Variants in GON4L observed in about 807,000 individuals in gnomAD.
The protein encoded by GON4L is GON-4-like protein.
Under a neutral mutation model 211.8 loss-of-function variants are expected in GON4L, and 87 were observed. The ratio of observed to expected loss-of-function variants is 0.41; its 90% CI spans 0.35 to 0.49. The LOEUF is 0.49. GON4L is among the 20% of genes least tolerant of loss of function. The pLI is 0.15. For synonymous variants in GON4L, 875 were observed against 962.6 expected (o/e 0.91, Z 1.68); for missense variants, 2,155 against 2,659.5 (o/e 0.81, Z 4.17).
At chr1:155,856,767 AG>A (rs1479750847) in intron 1 of GON4L, among the ~76,000 whole-genome samples, 2 of 151,620 alleles carry the variant, frequency 1.3e-5, no homozygotes, top group Admixed American at 6.6e-5. Context: ...GGGGAAAAAA[AG>A]AAAAAGAAAG....
At chr1:155,785,136 C>A (rs1257856633) in intron 13 of GON4L, 198 bp downstream of exon 13, 5 of 671,212 alleles carry the variant, frequency 7.4e-6, no homozygotes. Context: ...TTAATAAGAA[C>A]AACATACATG....
downstream of GON4L, chr1:155,746,171 CT>C: frequency 1.0e-6 from 1 of 986,178 alleles, no homozygotes; most frequent in Non-Finnish European, 1.5e-6. Context: ...GCCGATGCCC[CT>C]TATTTCCCTT....
chr1:155,833,278 T>C (rs1669964587), intron 2 of GON4L, among the ~76,000 whole-genome samples: 1 of 152,178 alleles, frequency 6.6e-6, no homozygotes, highest in South Asian at 2.1e-4. Flanking sequence ...CAGTTCCTTC[T>C]GACAACTTAT....
rs774218522 is a variant in GON4L, at chr1:155,804,957, C to A, written c.1637G>T (p.Gly546Val). 3.7e-6 allele frequency: 6 copies of A among 1,612,696 alleles called. No homozygotes were observed. Among genetic ancestry groups the A allele is most frequent in the Middle Eastern group, 3.3e-4 (2 of 6,062 alleles). ...CACAAACCAAAACTTACCTTCATTC[C>A]CCACATCATCATTCATAAGTCCCCC... Reference protein sequence around the residue: ...WLGGLMNDDVGNEDEADDDDD... With the variant: ...WLGGLMNDDVVNEDEADDDDD... The change falls in exon 11 of 32, where the codon GGG becomes GTG. Residue 546 changes from glycine (G) to valine (V), a missense_variant. By Grantham distance (109) the Gly-to-Val change is moderately radical (BLOSUM62 -3). This residue lies in a region of GON4L where 551 missense variants were observed against 854.0 expected (regional missense o/e 0.65). Transcript: ENST00000368331.
downstream of GON4L, chr1:155,745,788 C>G: frequency 1.5e-6 from 1 of 686,960 alleles, no homozygotes; most frequent in Non-Finnish European, 2.5e-6. Flanking sequence ...GAGCAGCGAG[C>G]GGCGCGGCTG....
At chr1:155,856,110 T>G (rs563906139) in intron 1 of GON4L, among the ~76,000 whole-genome samples, 1 of 152,044 alleles carries the variant, frequency 6.6e-6, no homozygotes, top group African/African-American at 2.4e-5. Flanking sequence ...GAAGCCTGAA[T>G]GTCCACTTAT....
At chr1:155,775,971 C>T (rs1004175359) in intron 16 of GON4L, among the ~76,000 whole-genome samples, 3 of 151,938 alleles carry the variant, frequency 2.0e-5, no homozygotes, top group African/African-American at 7.3e-5. Context: ...TTTGTAGAGA[C>T]GGGCTTTCGG....
At chr1:155,822,670 T>G (rs114067152) in intron 3 of GON4L, among the ~76,000 whole-genome samples, 194 bp from the exon 4 acceptor site, 3 of 152,106 alleles carry the variant, frequency 2.0e-5, no homozygotes, top group Non-Finnish European at 2.9e-5. Flanking sequence ...ACTATGGAAA[T>G]AGAAATCAGT....
chr1:155,763,007 G>T (rs1187869692), intron 22 of GON4L, among the ~76,000 whole-genome samples: 1 of 151,754 alleles, frequency 6.6e-6, no homozygotes, highest in Non-Finnish European at 1.5e-5. Context: ...CTGCACTCCA[G>T]CCTGGGCGAC....
At chr1:155,834,968 T>TG (rs1352800162) in intron 2 of GON4L, among the ~76,000 whole-genome samples, 1 of 151,934 alleles carries the variant, frequency 6.6e-6, no homozygotes, top group Non-Finnish European at 1.5e-5. Flanking sequence ...CCACCCCGTC[T>TG]GGGAGGTGTA....
rs775690948 is a variant in GON4L, at chr1:155,763,358, A to G, written c.4680T>C (p.Ala1560=). The G allele has an allele frequency of 1.9e-6, 3 of 1,613,422 alleles. No homozygotes were observed. Among genetic ancestry groups the G allele is most frequent in the East Asian group, 2.2e-5 (1 of 44,882 alleles). ...GDSAEKPPTF[A]SPETAPEVET... Reference sequence around the variant, plus strand: ...CCACTTCTGGAGCAGTCTCAGGTGAAGCAAAAGTAGGAGGCTTCTCAGCAG... The same window carrying G: ...CCACTTCTGGAGCAGTCTCAGGTGAGGCAAAAGTAGGAGGCTTCTCAGCAG... The change falls in exon 22 of 32, where the codon GCT becomes GCC. Residue 1560 remains alanine (A), a synonymous_variant. Coordinates refer to ENST00000368331, the MANE Select transcript of GON4L (RefSeq NM_001282860.2).
intron 11 of GON4L, among the ~76,000 whole-genome samples, chr1:155,800,038 T>A (rs907106039): frequency 2.0e-5 from 3 of 152,042 alleles, no homozygotes; most frequent in African/African-American, 7.2e-5. Context: ...CCATCTCTAC[T>A]AAAAATACAA....
intron 11 of GON4L, among the ~76,000 whole-genome samples, chr1:155,797,218 G>T (rs533477842): frequency 3.5e-4 from 53 of 151,854 alleles, no homozygotes; most frequent in Non-Finnish European, 6.5e-4. Context: ...GGGTTCAAGC[G>T]ATTCTCCTGC....
chr1:155,830,801 T>C (rs371251331), intron 2 of GON4L, among the ~76,000 whole-genome samples: 7 of 152,082 alleles, frequency 4.6e-5, no homozygotes, highest in African/African-American at 7.2e-5. Context: ...TTGCCAAGTC[T>C]GGTCTTGAAC....
rs936227691 is a variant in GON4L, at chr1:155,749,841, G to A, written c.*743C>T. ...TGAGTTTACAATCAAGTCTACTAAG[G>A]TTGGACTTCCTTATCAGTTTGGCGA... On this transcript the variant is annotated 3_prime_UTR_variant, in exon 32 of 32. Coordinates refer to ENST00000368331, the MANE Select transcript of GON4L (RefSeq NM_001282860.2). 6.3e-7 allele frequency: 1 copy of A among 1,581,110 alleles called. No homozygotes were observed. The highest frequency in any genetic ancestry group is 1.1e-5 in the South Asian group (1 of 87,236).
At chr1:155,785,258 C>T in intron 13 of GON4L, 76 bp downstream of exon 13, 5 of 939,160 alleles carry the variant, frequency 5.3e-6, no homozygotes, top group African/African-American at 4.8e-5. Flanking sequence ...GAGGGAGCAT[C>T]ACAGAGACCA....
chr1:155,763,423 G>C lies in GON4L; in HGVS notation c.4615C>G (p.Gln1539Glu), dbSNP rs607790. Residue 1539 changes from glutamine to glutamate, a missense_variant, in exon 22 of 32, where the codon CAG (glutamine) becomes GAG (glutamate). Around this residue, in one of 6 missense-constraint regions of GON4L, gnomAD observed 455 missense variants for 504.6 expected, o/e 0.90. Transcript: ENST00000368331. The stretch of plus-strand genomic sequence containing the variant: ...TCATCCGTCATTTCATCCTCTTTCT[G>C]CAGGCTTTCCATTCCTTCTGCTTCT... ...EEEAEGMESLQKEDEMTDEAV... is the reference protein window; with the variant it reads ...EEEAEGMESLEKEDEMTDEAV... The C allele has an allele frequency of 3.0e-5, 47 of 1,583,990 alleles. No homozygotes were observed. The highest frequency in any genetic ancestry group is 6.9e-5 in the East Asian group (3 of 43,742).
chr1:155,828,382 T>C (rs1462434370), intron 2 of GON4L, among the ~76,000 whole-genome samples: 1 of 150,714 alleles, frequency 6.6e-6, no homozygotes, highest in Non-Finnish European at 1.5e-5. Context: ...TCCCAGTTAC[T>C]TGGGAGGCTG....
chr1:155,752,529 G>A lies in GON4L; in HGVS notation c.5904C>T (p.Leu1968=), dbSNP rs745984526. 3 of 1,601,810 alleles carry A rather than the reference G, an allele frequency of 1.9e-6. No individual in the cohort carries two copies. The highest frequency in any genetic ancestry group is 1.1e-5 in the South Asian group (1 of 89,532). ...AATGAGGTGGTGGGCCATCCAGGAG[G>A]AGCCGTTCTGTAACAGTCACTTCTC... ...SPREVTVTER[L]LLDGPPPHSP... is the part of the protein sequence containing the mutation. The change falls in exon 30 of 32, where the codon CTC becomes CTT. Residue 1968 remains leucine (L), a synonymous_variant. Coordinates refer to ENST00000368331, the MANE Select transcript of GON4L (RefSeq NM_001282860.2).
Sources: allele counts gnomAD v4.1 joint callset (sites outside exome capture counted in the v4.1 genomes callset), GRCh38; gene constraint gnomAD v4.1.1; regional missense constraint gnomAD v4.1.1; transcripts MANE v1.5; gene names NCBI Gene and HGNC (gene_info 2026-07-23, HGNC 2026-07-21).